Variants in STIM1 observed in about 807,000 individuals in gnomAD.
The protein encoded by STIM1 is stromal interaction molecule 1.
STIM1 carries 25 observed loss-of-function variants against 74.7 expected under a neutral mutation model. The ratio of observed to expected loss-of-function variants is 0.33; its 90% CI spans 0.24 to 0.47. The LOEUF (loss-of-function observed/expected upper bound fraction) is 0.47, where lower values mean the gene tolerates loss of function less well. STIM1 is among the 20% of genes least tolerant of loss of function. STIM1 has a pLI of 1.00. For missense variants in STIM1, 728 were observed against 920.8 expected, an observed-to-expected ratio of 0.79 and a Z score of 2.71; for synonymous variants, 328 against 348.8, an observed-to-expected ratio of 0.94 and a Z score of 0.66.
At chr11:3,892,873 G>A (rs2091940412) in intron 1 of STIM1, 10 of 1,585,358 alleles carry the variant, frequency 6.3e-6, no homozygotes, top group South Asian at 2.2e-5. Flanking sequence ...CGAAGAACAC[G>A]GTGGGGTTAA....
Position 4,091,391 on chromosome 11 carries a change from A to G in STIM1, c.1744A>G (p.Met582Val). The G allele has an allele frequency of 6.2e-7, 1 of 1,614,116 alleles. No individual in the cohort carries two copies. The highest frequency in any genetic ancestry group is 8.5e-7 in the Non-Finnish European group (1 of 1,180,014). The change falls in exon 13 of 13, where the codon ATG (methionine) becomes GTG (valine). Residue 582 changes from methionine (M) to valine (V), a missense_variant. This residue lies in a region of STIM1 where 352 missense variants were observed against 370.1 expected (regional missense o/e 0.95). Transcript: ENST00000526596. ...SRAADEALNA[M>V]TSNGSHRLIE... Reference sequence around the variant, plus strand: ...TGCTGCAGACGAGGCTCTCAATGCCATGACTTCCAATGGCAGCCACCGGCT... The same window carrying G: ...TGCTGCAGACGAGGCTCTCAATGCCGTGACTTCCAATGGCAGCCACCGGCT...
chr11:3,892,876 G>A, intron 1 of STIM1: 1 of 1,575,002 alleles, frequency 6.3e-7, no homozygotes, highest in Non-Finnish European at 8.7e-7. Flanking sequence ...AGAACACGGT[G>A]GGGTTAACCA....
rs1343386197 is a variant in STIM1 at position 4,086,524 on chromosome 11, C to T, written c.1615C>T (p.His539Tyr). ...TCGGCAGCGCCTGACGGAGCCACAG[C>T]ATGGCCTGGGATCTCAGAGGTTGGT... The part of the protein sequence containing the change: ...SVRQRLTEPQ[H>Y]GLGSQRDLTH... Residue 539 changes from histidine (H) to tyrosine (Y), a missense_variant, in exon 12 of 13, where the codon CAT (histidine) becomes TAT (tyrosine). This residue lies in a region of STIM1 where 352 missense variants were observed against 370.1 expected (regional missense o/e 0.95). Coordinates refer to ENST00000526596, the MANE Select transcript of STIM1 (RefSeq NM_001382567.1). 3.7e-6 allele frequency: 6 copies of T among 1,614,084 alleles called. No homozygotes were observed. The highest frequency in any genetic ancestry group is 4.2e-6 in the Non-Finnish European group (5 of 1,180,042).
At chr11:3,918,257 C>G (rs2092674131) in intron 1 of STIM1, among the ~76,000 whole-genome samples, 1 of 152,122 alleles carries the variant, frequency 6.6e-6, no homozygotes, top group African/African-American at 2.4e-5. Context: ...TGGTTCAAGC[C>G]TATAATTCTA....
chr11:3,969,454 C>T (rs2093371117), intron 2 of STIM1, among the ~76,000 whole-genome samples: 1 of 152,110 alleles, frequency 6.6e-6, no homozygotes, highest in Non-Finnish European at 1.5e-5. Flanking sequence ...TGCACTCCAG[C>T]CTGGGCAACA....
At chr11:3,910,124 T>TG (rs1028820624) in intron 1 of STIM1, among the ~76,000 whole-genome samples, 7 of 152,142 alleles carry the variant, frequency 4.6e-5, no homozygotes, top group African/African-American at 7.2e-5. Flanking sequence ...AACAAGCAGA[T>TG]GCCAGATTAT....
intron 1 of STIM1, among the ~76,000 whole-genome samples, chr11:3,910,354 T>C (rs968918412): frequency 7.2e-5 from 11 of 152,146 alleles, no homozygotes; most frequent in African/African-American, 2.7e-4. Flanking sequence ...ATCTGGCGTA[T>C]CCATCTGAGC....
At chr11:4,059,697 G>A (rs1402933218) in intron 5 of STIM1, among the ~76,000 whole-genome samples, 12 of 152,122 alleles carry the variant, frequency 7.9e-5, no homozygotes, top group Non-Finnish European at 1.5e-4. Flanking sequence ...TTCTGTAGAG[G>A]TACACAGTAC....
chr11:3,947,501 T>G (rs991566139), intron 1 of STIM1: 6 of 152,200 alleles, frequency 3.9e-5, no homozygotes, highest in African/African-American at 1.4e-4. Flanking sequence ...TGTCTCTTGT[T>G]TATTACTGCT....
At chr11:3,979,667 T>G (rs2093482342) in intron 2 of STIM1, among the ~76,000 whole-genome samples, 1 of 152,160 alleles carries the variant, frequency 6.6e-6, no homozygotes, top group Admixed American at 6.5e-5. Flanking sequence ...ATTGAACTCC[T>G]GGTCTCAAGC....
At position 4,091,298 on chromosome 11, in the gene STIM1, G is replaced by T; in HGVS notation, c.1651G>T (p.Asp551Tyr). The T allele has an allele frequency of 6.2e-7, 1 of 1,614,028 alleles. No individual in the cohort carries two copies. Among genetic ancestry groups the T allele is most frequent in the Non-Finnish European group, 8.5e-7 (1 of 1,180,030 alleles). ...GTCTTGCAGGGATTTGACCCATTCC[G>T]ATTCGGAGTCCTCCCTCCACATGAG... ...LGSQRDLTHS[D>Y]SESSLHMSDR... Residue 551 changes from aspartate to tyrosine, a missense_variant, in exon 13 of 13, where the codon GAT (aspartate) becomes TAT (tyrosine). This residue lies in a region of STIM1 where 352 missense variants were observed against 370.1 expected (regional missense o/e 0.95). Transcript: ENST00000526596.
At chr11:4,087,118 C>G (rs950601666) in intron 12 of STIM1, among the ~76,000 whole-genome samples, 1 of 152,156 alleles carries the variant, frequency 6.6e-6, no homozygotes, top group African/African-American at 2.4e-5. Context: ...TTTGCCTAAA[C>G]TATGCACTTT....
chr11:3,923,588 G>A (rs1447579320), intron 1 of STIM1, among the ~76,000 whole-genome samples: 15 of 143,988 alleles, frequency 1.0e-4, no homozygotes, highest in African/African-American at 3.3e-4. Flanking sequence ...CAGCCCAGGC[G>A]ACAGAGTGAG....
In STIM1 at chr11:4,022,709, T is replaced by C. The variant is rs182623969; in HGVS notation, c.271-1164T>C. 2.5e-3 allele frequency among the ~76,000 whole-genome samples: 387 copies of C among 152,318 alleles called. 1 individual carries two copies. The highest frequency in any genetic ancestry group is 4.7e-3 in the Non-Finnish European group (322 of 68,022). On this transcript the variant is annotated intron_variant, in intron 2 of 12. Coordinates refer to ENST00000526596, the MANE Select transcript of STIM1 (RefSeq NM_001382567.1). ...CTGAAGTCTCAGTCACTCACATACC[T>C]GACTCCTGAACTTGAAGACTCAAAC...
At chr11:3,904,836 T>G (rs1236216206) in intron 1 of STIM1, among the ~76,000 whole-genome samples, 1 of 152,106 alleles carries the variant, frequency 6.6e-6, no homozygotes, top group African/African-American at 2.4e-5. Flanking sequence ...TGAGAAAATA[T>G]CTGGTAGTTG....
intron 2 of STIM1, among the ~76,000 whole-genome samples, chr11:3,980,553 C>A (rs1308101033): frequency 6.7e-6 from 1 of 148,776 alleles, no homozygotes; most frequent in Non-Finnish European, 1.5e-5. Flanking sequence ...ACAGGAGGAT[C>A]GCTTGAGGCC....
At chr11:3,967,975 C>G (rs1008698828) in intron 2 of STIM1, among the ~76,000 whole-genome samples, 2 of 152,166 alleles carry the variant, frequency 1.3e-5, no homozygotes, top group Non-Finnish European at 2.9e-5. Context: ...ATCCCTGAGG[C>G]TGGTCTCTAT....
intron 1 of STIM1, among the ~76,000 whole-genome samples, chr11:3,956,656 C>A (rs1475352699): frequency 6.6e-6 from 1 of 151,162 alleles, no homozygotes; most frequent in Non-Finnish European, 1.5e-5. Context: ...AAAATTCTGA[C>A]ATTTAGAATT....
intron 1 of STIM1, among the ~76,000 whole-genome samples, chr11:3,914,932 G>A (rs1170964931): frequency 6.7e-6 from 1 of 150,258 alleles, no homozygotes; most frequent in Non-Finnish European, 1.5e-5. Flanking sequence ...TTTCCTTTTT[G>A]GTTTTGTTTT....
Sources: allele counts gnomAD v4.1 joint callset (sites outside exome capture counted in the v4.1 genomes callset), GRCh38; gene constraint gnomAD v4.1.1; regional missense constraint gnomAD v4.1.1; transcripts MANE v1.5; gene names NCBI Gene and HGNC (gene_info 2026-07-23, HGNC 2026-07-21).